CACNA2D1: variants seen among roughly 807,000 people sequenced by gnomAD.
CACNA2D1 encodes voltage-dependent calcium channel subunit alpha-2/delta-1.
In CACNA2D1, 53 loss-of-function variants were observed where a neutral mutation model predicts 171.5. The ratio of observed to expected loss-of-function variants is 0.31; its 90% CI spans 0.25 to 0.39. CACNA2D1 has a LOEUF of 0.39. Among genes scored for constraint, CACNA2D1 ranks in the 10% least tolerant of loss-of-function variants. CACNA2D1 has a pLI of 1.00. For missense variants in CACNA2D1, 903 were observed against 1,299.8 expected (o/e 0.69, Z 4.69); for synonymous variants, 442 against 443.1 (o/e 1.00, Z 0.03).
chr7:82,120,542 T>C (rs556785405), intron 5 of CACNA2D1, among the ~76,000 whole-genome samples: 3 of 152,228 alleles, frequency 2.0e-5, no homozygotes, highest in Non-Finnish European at 4.4e-5. Context: ...AGTCTGAATA[T>C]TCTGGCATAC....
chr7:82,306,204 A>G (rs1316013839), intron 3 of CACNA2D1, among the ~76,000 whole-genome samples: 1 of 152,022 alleles, frequency 6.6e-6, no homozygotes, highest in African/African-American at 2.4e-5. Context: ...AAATGGAATC[A>G]CTATTTTTTG....
chr7:82,205,339 T>C (rs957082603), intron 3 of CACNA2D1, among the ~76,000 whole-genome samples: 1 of 152,176 alleles, frequency 6.6e-6, no homozygotes, highest in African/African-American at 2.4e-5. Flanking sequence ...AATGAATATT[T>C]TGAAGGCTTG....
intron 15 of CACNA2D1, among the ~76,000 whole-genome samples, chr7:82,009,830 C>T (rs1010241395): frequency 6.6e-6 from 1 of 151,980 alleles, no homozygotes; most frequent in African/African-American, 2.4e-5. Context: ...AGAAATAAAA[C>T]AAGATTTCTC....
At chr7:82,130,946 G>A (rs371210226) in intron 5 of CACNA2D1, among the ~76,000 whole-genome samples, 25 of 151,712 alleles carry the variant, frequency 1.6e-4, no homozygotes, top group Admixed American at 1.3e-3. Context: ...ACAGGCGCCC[G>A]CCATCATGCC....
At chr7:81,997,357 TACAATAATTGTATAAAGG>T (rs1445233134) in intron 18 of CACNA2D1, 107 bp from the exon 19 acceptor site, 3 of 700,582 alleles carry the variant, frequency 4.3e-6, no homozygotes, top group African/African-American at 3.5e-5. Context: ...TTACCTAGGA[TACAATAATTGTATAAAGG>T]TATCTTCTTT....
intron 3 of CACNA2D1, among the ~76,000 whole-genome samples, chr7:82,189,445 C>A (rs1274812472): frequency 6.6e-5 from 10 of 151,818 alleles, no homozygotes; most frequent in African/African-American, 2.2e-4. Context: ...TTACCTATTC[C>A]AAAACTGCTC....
chr7:82,431,681 G>A (rs1422363840), intron 1 of CACNA2D1, among the ~76,000 whole-genome samples: 4 of 152,040 alleles, frequency 2.6e-5, no homozygotes, highest in Admixed American at 2.0e-4. Context: ...ACTTGTTCCC[G>A]CATTTACAAA....
chr7:81,971,149 A>C (rs1037785797), intron 26 of CACNA2D1: 5 of 222,246 alleles, frequency 2.2e-5, no homozygotes, highest in Non-Finnish European at 4.5e-5. Context: ...CTAATGAATG[A>C]TTTTGAATTC....
In CACNA2D1 at chr7:82,012,578, G is replaced by A. The variant is rs190570398; in HGVS notation, c.1273-335C>T. ...TTCATGTTAATCTAAACTATTTAAGGCTCTGTGATTTACTGCGTGGAATTG... is the reference window on the plus strand; with the variant it reads ...TTCATGTTAATCTAAACTATTTAAGACTCTGTGATTTACTGCGTGGAATTG... On this transcript the variant is annotated intron_variant, in intron 14 of 38. Transcript: ENST00000356860. Among the ~76,000 whole-genome samples the A allele has an allele frequency of 1.1e-3, 172 of 152,146 alleles. 1 individual carries two copies. The highest frequency in any genetic ancestry group is 1.9e-3 in the Admixed American group (29 of 15,258).
At chr7:82,241,690 T>C (rs1028708628) in intron 3 of CACNA2D1, among the ~76,000 whole-genome samples, 7 of 150,870 alleles carry the variant, frequency 4.6e-5, no homozygotes, top group Admixed American at 2.7e-4. Context: ...TGTTTAAGGA[T>C]GCATGGAAGG....
At chr7:82,344,819 A>G (rs543547801) in intron 2 of CACNA2D1, among the ~76,000 whole-genome samples, 78 of 152,326 alleles carry the variant, frequency 5.1e-4, no homozygotes, top group African/African-American at 1.8e-3. Context: ...AAAGTAAGGC[A>G]ACTCTGAATA....
At chr7:82,373,549 G>A (rs7805499) in intron 1 of CACNA2D1, among the ~76,000 whole-genome samples, 95,050 of 151,932 alleles carry the variant, frequency 0.63, 30,291 homozygotes, top group Middle Eastern at 0.74. Flanking sequence ...AAAACACATC[G>A]TACTGCCTTG....
chr7:82,156,475 C>A (rs1243475105), intron 4 of CACNA2D1, among the ~76,000 whole-genome samples: 8 of 152,068 alleles, frequency 5.3e-5, no homozygotes, highest in Non-Finnish European at 1.0e-4. Context: ...TCAAATAGTT[C>A]TCTCTGTGTA....
chr7:82,066,385 T>A, intron 8 of CACNA2D1, 70 bp downstream of exon 8: 2 of 1,574,884 alleles, frequency 1.3e-6, no homozygotes, highest in Middle Eastern at 1.7e-4. Context: ...TAATAAAAAA[T>A]TCTGACTTTT....
chr7:82,034,861 G>A (rs1405938652), intron 11 of CACNA2D1, among the ~76,000 whole-genome samples: 2 of 152,006 alleles, frequency 1.3e-5, no homozygotes, highest in Non-Finnish European at 2.9e-5. Context: ...CATTTCCCGA[G>A]AGAGAGATGT....
intron 6 of CACNA2D1, among the ~76,000 whole-genome samples, chr7:82,104,959 G>C (rs1023050772): frequency 6.6e-6 from 1 of 151,858 alleles, no homozygotes; most frequent in African/African-American, 2.4e-5. Flanking sequence ...AAATATTCTT[G>C]GAAATCCTTA....
At chr7:82,418,217 G>A (rs780057073) in intron 1 of CACNA2D1, among the ~76,000 whole-genome samples, 10 of 152,104 alleles carry the variant, frequency 6.6e-5, no homozygotes, top group African/African-American at 1.2e-4. Flanking sequence ...TCATGAGAAC[G>A]AACTGAGTAT....
intron 24 of CACNA2D1, among the ~76,000 whole-genome samples, chr7:81,980,668 G>GT (rs2130612317): frequency 6.6e-6 from 1 of 152,262 alleles, no homozygotes; most frequent in East Asian, 1.9e-4. Flanking sequence ...AAATATGAAA[G>GT]TAGGGAGATC....
intron 6 of CACNA2D1, 63 bp downstream of exon 6, chr7:82,116,981 A>G (rs1789126066): frequency 6.4e-7 from 1 of 1,574,106 alleles, no homozygotes; most frequent in East Asian, 2.2e-5. Flanking sequence ...CCCCTCAAAC[A>G]TGGGAAACAT....
Sources: allele counts gnomAD v4.1 joint callset (sites outside exome capture counted in the v4.1 genomes callset), GRCh38; gene constraint gnomAD v4.1.1; transcripts MANE v1.5; gene names NCBI Gene and HGNC (gene_info 2026-07-23, HGNC 2026-07-21).